Variants in CPPED1 observed in about 807,000 individuals in gnomAD.
CPPED1 encodes the protein serine/threonine-protein phosphatase CPPED1.
CPPED1 carries 28 observed loss-of-function variants against 28.0 expected under a neutral mutation model. The ratio of observed to expected loss-of-function variants is 1.00; its 90% CI spans 0.74 to 1.37. The LOEUF (loss-of-function observed/expected upper bound fraction) is 1.37, where lower values mean the gene tolerates loss of function less well. CPPED1 is among the 40% of genes most tolerant of loss of function. The pLI is 0.00. For missense variants in CPPED1, 504 were observed against 416.5 expected (o/e 1.21, Z -1.83); for synonymous variants, 198 against 180.2 (o/e 1.10, Z -0.79).
intron 2 of CPPED1, among the ~76,000 whole-genome samples, chr16:12,719,413 T>C (rs1160198273): frequency 6.7e-6 from 1 of 149,452 alleles, no homozygotes; most frequent in Non-Finnish European, 1.5e-5. Context: ...AAAAGAACAG[T>C]ATGGAGGAAA....
chr16:12,754,497 A>C (rs2080351907), intron 2 of CPPED1, among the ~76,000 whole-genome samples: 1 of 152,216 alleles, frequency 6.6e-6, no homozygotes, highest in South Asian at 2.1e-4. Context: ...AATCTGATTA[A>C]ACAAATTAAA....
At chr16:12,686,708 T>C (rs1349409746) in intron 3 of CPPED1, among the ~76,000 whole-genome samples, 1 of 152,090 alleles carries the variant, frequency 6.6e-6, no homozygotes, top group Non-Finnish European at 1.5e-5. Context: ...TGGAGGCAAT[T>C]TGGAAATGAG....
chr16:12,791,884 T>C (rs2080598746), intron 1 of CPPED1, among the ~76,000 whole-genome samples: 1 of 152,014 alleles, frequency 6.6e-6, no homozygotes, highest in Admixed American at 6.5e-5. Context: ...GATGAAGACA[T>C]CAATGGATCC....
rs1259152159 is a variant in CPPED1, at chr16:12,663,037, C to A, written c.*1849G>T. On this transcript the variant is annotated 3_prime_UTR_variant, in exon 4 of 4. Coordinates refer to ENST00000381774, the MANE Select transcript of CPPED1 (RefSeq NM_018340.3). ...TTATGATCCAAGTGTCACCACATCT[C>A]AAGTCTCAATGTGTGTGTGTGTGGT... 1 of 149,958 alleles carries A rather than the reference C, an allele frequency of 6.7e-6. No homozygotes were observed. Among genetic ancestry groups the A allele is most frequent in the Non-Finnish European group, 1.5e-5 (1 of 67,912 alleles). 9.3% of individuals were successfully genotyped at this position (149,958 alleles called of 1,614,324 possible). A position where few individuals can be genotyped will look rare whatever the true frequency, so the allele number is the denominator to read the frequency against.
At chr16:12,744,745 C>T (rs1311960631) in intron 2 of CPPED1, among the ~76,000 whole-genome samples, 1 of 152,144 alleles carries the variant, frequency 6.6e-6, no homozygotes, top group Non-Finnish European at 1.5e-5. Context: ...CTTTGGGAGG[C>T]CGAGGCAGGC....
rs138099372 is a variant in CPPED1 at position 12,779,552 on chromosome 16, C to G, written c.289+1633G>C. 1.9e-3 allele frequency among the ~76,000 whole-genome samples: 282 copies of G among 152,080 alleles called. 1 individual carries two copies. Among genetic ancestry groups the G allele is most frequent in the African/African-American group, 6.1e-3 (254 of 41,482 alleles). On this transcript the variant is annotated intron_variant, in intron 2 of 3. Transcript: ENST00000381774. Reference sequence around the variant, plus strand: ...TACAGGTGCCTGCCACCACACCCGGCTAATTTTTATATTTTTTAGTAGAGA... The same window carrying G: ...TACAGGTGCCTGCCACCACACCCGGGTAATTTTTATATTTTTTAGTAGAGA...
chr16:12,760,840 T>C (rs1313720869), intron 2 of CPPED1: 1 of 152,232 alleles, frequency 6.6e-6, no homozygotes, highest in Non-Finnish European at 1.5e-5. Context: ...AATGCTGATG[T>C]GGCCCAGGGC....
rs1347906280 is a variant in CPPED1 at position 12,664,459 on chromosome 16, G to T, written c.*427C>A. 1 of 1,008,416 alleles carries T rather than the reference G, an allele frequency of 9.9e-7. No individual in the cohort carries two copies. Among genetic ancestry groups the T allele is most frequent in the Admixed American group, 6.1e-5 (1 of 16,418 alleles). The allele number at this position is 1,008,416 out of a possible 1,614,324, so 62.5% of individuals were successfully genotyped here. A position where few individuals can be genotyped will look rare whatever the true frequency, so the allele number is the denominator to read the frequency against. On this transcript the variant is annotated 3_prime_UTR_variant, in exon 4 of 4. Coordinates refer to ENST00000381774, the MANE Select transcript of CPPED1 (RefSeq NM_018340.3). The surrounding 1 kb of genome is among the most constrained non-coding windows in gnomAD (Gnocchi z 4.2). ...TTTTGCCTAGCGTTTTGGGAATCGT[G>T]ACCACAATTTAATACAATCAGGTGT...
intron 1 of CPPED1, 24 bp downstream of exon 1, chr16:12,803,683 C>A: frequency 2.6e-6 from 4 of 1,512,748 alleles, no homozygotes; most frequent in Non-Finnish European, 3.5e-6. Flanking sequence ...AGAGTCCCCT[C>A]CCCGGGTGAG....
At chr16:12,766,294 AAGAG>A (rs769793209) in intron 2 of CPPED1, among the ~76,000 whole-genome samples, 9,925 of 135,026 alleles carry the variant, frequency 0.074, 389 homozygotes, top group Non-Finnish European at 0.092. Flanking sequence ...GAGAGAGAGA[AAGAG>A]AGAGAGAGAG....
chr16:12,770,122 G>A (rs1483065072), intron 2 of CPPED1, among the ~76,000 whole-genome samples: 2 of 152,192 alleles, frequency 1.3e-5, no homozygotes, highest in African/African-American at 2.4e-5. Context: ...GATGGAGGCT[G>A]TTGGCTACAA....
At chr16:12,797,371 C>T (rs548245319) in intron 1 of CPPED1, among the ~76,000 whole-genome samples, 1 of 152,160 alleles carries the variant, frequency 6.6e-6, no homozygotes, top group East Asian at 1.9e-4. Flanking sequence ...AGTGACACAG[C>T]GAAACTGTCT....
chr16:12,766,835 T>A (rs1425409887), intron 2 of CPPED1, among the ~76,000 whole-genome samples: 1 of 152,196 alleles, frequency 6.6e-6, no homozygotes, highest in African/African-American at 2.4e-5. Flanking sequence ...AGGACTCTTC[T>A]GCTCAGAGGG....
chr16:12,752,412 T>C (rs1432917410), intron 2 of CPPED1, among the ~76,000 whole-genome samples: 1 of 152,076 alleles, frequency 6.6e-6, no homozygotes. Flanking sequence ...TTGTTTAATC[T>C]TGACAGCCCT....
chr16:12,786,446 T>C (rs550038623), intron 1 of CPPED1, among the ~76,000 whole-genome samples: 47 of 152,302 alleles, frequency 3.1e-4, no homozygotes, highest in African/African-American at 1.1e-3. Context: ...TTAGTGGTGG[T>C]ATATTTTTTA....
In CPPED1 at chr16:12,664,251, C is replaced by T; in HGVS notation, c.*635G>A. ...TATGTGCAAAGGTGACTTTTCTAGG[C>T]ACCCAGGAAGGCAAATTTAAGCTCC... On this transcript the variant is annotated 3_prime_UTR_variant, in exon 4 of 4. Coordinates refer to ENST00000381774, the MANE Select transcript of CPPED1 (RefSeq NM_018340.3). The surrounding 1 kb of genome is among the most constrained non-coding windows in gnomAD (Gnocchi z 4.2). The T allele has an allele frequency of 1.8e-6, 1 of 560,448 alleles. No individual in the cohort carries two copies. Among genetic ancestry groups the T allele is most frequent in the Non-Finnish European group, 2.3e-6 (1 of 441,296 alleles). The allele number at this position is 560,448 out of a possible 1,614,324, so 34.7% of individuals were successfully genotyped here. A position where few individuals can be genotyped will look rare whatever the true frequency, so the allele number is the denominator to read the frequency against.
In CPPED1 at chr16:12,732,234, GAA is replaced by G. The variant is rs36072985; in HGVS notation, c.290-27187_290-27186del. ...GGATGCTATTTTGAAAAGGAATAAT[GAA>G]AAAAAAAAAAGCTCTTGAAAATTAA... On this transcript the variant is annotated intron_variant, in intron 2 of 3. Coordinates refer to ENST00000381774, the MANE Select transcript of CPPED1 (RefSeq NM_018340.3). 8.2e-3 allele frequency among the ~76,000 whole-genome samples: 1,131 copies of G among 138,728 alleles called. 6 individuals carry two copies. Among genetic ancestry groups the G allele is most frequent in the Middle Eastern group, 0.04 (10 of 250 alleles). 91.0% of individuals were successfully genotyped at this position (138,728 alleles called of 152,430 possible).
chr16:12,696,835 A>G (rs984276085), intron 3 of CPPED1, among the ~76,000 whole-genome samples: 4 of 152,076 alleles, frequency 2.6e-5, no homozygotes, highest in African/African-American at 9.7e-5. Flanking sequence ...ACAAGTGGGA[A>G]AACTAAGGCA....
chr16:12,673,775 G>A (rs561478150), intron 3 of CPPED1, among the ~76,000 whole-genome samples: 179 of 152,280 alleles, frequency 1.2e-3, no homozygotes, highest in Middle Eastern at 3.4e-3. Flanking sequence ...GGCCGGGTGC[G>A]GTGGCTCCCA....
Sources: gnomAD v4.1 joint callset for allele counts (sites outside exome capture counted in the v4.1 genomes callset) on GRCh38, gnomAD v4.1.1 for gene constraint, Gnocchi (gnomAD v3.1) non-coding constraint, MANE v1.5 for transcripts, NCBI Gene and HGNC (gene_info 2026-07-23, HGNC 2026-07-21) for gene names.